The following CGAS variants were observed in gnomAD, a reference collection of about 807,000 sequenced individuals.
CGAS encodes the protein cyclic GMP-AMP synthase, also known as 2'3'-cGAMP synthase.
A neutral mutation model predicts 34.0 loss-of-function variants in CGAS; 31 were observed. The ratio of observed to expected loss-of-function variants is 0.91; its 90% CI spans 0.69 to 1.23. The LOEUF (loss-of-function observed/expected upper bound fraction) is 1.23, where lower values mean the gene tolerates loss of function less well. Ranked by LOEUF, CGAS falls within the 50% of genes most tolerant of loss-of-function variation. The pLI, the probability that CGAS is intolerant of heterozygous loss-of-function variation, is 0.00. For synonymous variants in CGAS, 266 were observed against 260.0 expected (o/e 1.02, Z -0.22); for missense variants, 597 against 657.6 (o/e 0.91, Z 1.01).
chr6:73,435,748 G>T (rs924998533), intron 3 of CGAS, among the ~76,000 whole-genome samples: 4 of 147,330 alleles, frequency 2.7e-5, no homozygotes, highest in Non-Finnish European at 5.9e-5. Context: ...AGACCAGCCT[G>T]GGCAACATAG....
At chr6:73,426,054 G>A (rs2150808217) in intron 4 of CGAS, among the ~76,000 whole-genome samples, 1 of 152,096 alleles carries the variant, frequency 6.6e-6, no homozygotes, top group East Asian at 1.9e-4. Context: ...GGAGGCCTAG[G>A]CAGGCGGATC....
intron 1 of CGAS, among the ~76,000 whole-genome samples, chr6:73,449,142 A>G (rs1413286964): frequency 6.6e-6 from 1 of 152,072 alleles, no homozygotes; most frequent in Non-Finnish European, 1.5e-5. Flanking sequence ...GATAAAACAA[A>G]TTTCACTGGA....
intron 3 of CGAS, 112 bp from the exon 4 acceptor site, chr6:73,428,923 A>C (rs1228304938): frequency 2.2e-6 from 2 of 930,190 alleles, no homozygotes; most frequent in African/African-American, 3.3e-5. Flanking sequence ...ATGGGGGCTC[A>C]CGCCTGTAAT....
rs566859350 is a variant in CGAS at position 73,451,063 on chromosome 6, G to A, written c.657+462C>T. Among the ~76,000 whole-genome samples the A allele has an allele frequency of 3.3e-5, 5 of 151,994 alleles. No individual in the cohort carries two copies. In the South Asian group the frequency reaches 1.0e-3, roughly 32 times the overall value. On this transcript the variant is annotated intron_variant, in intron 1 of 4. Transcript: ENST00000370315. ...GGGTCAGACGGGATAGCAGGAGAGG[G>A]GGCAGGGAGGAAGAGGGGGAGAGAA...
intron 3 of CGAS, among the ~76,000 whole-genome samples, 183 bp from the exon 4 acceptor site, chr6:73,428,994 C>T (rs768328136): frequency 2.6e-5 from 4 of 151,866 alleles, no homozygotes; most frequent in Non-Finnish European, 5.9e-5. Flanking sequence ...CGAGACCAGC[C>T]TGACCAACAT....
At chr6:73,441,375 G>A (rs1770377159) in intron 2 of CGAS, among the ~76,000 whole-genome samples, 1 of 152,154 alleles carries the variant, frequency 6.6e-6, no homozygotes, top group South Asian at 2.1e-4. Context: ...CAGAGGCTGG[G>A]TGCCACGGCA....
Position 73,442,538 on chromosome 6 carries a change from C to A in CGAS, c.878-2093G>T, listed in dbSNP as rs144370313. Reference sequence around the variant, plus strand: ...GCCTCAGCATCGTATGTAGCTGGGACCACAGGCACATGCCACCACTCCTGG... The same window carrying A: ...GCCTCAGCATCGTATGTAGCTGGGAACACAGGCACATGCCACCACTCCTGG... On this transcript the variant is annotated intron_variant, in intron 2 of 4. Coordinates refer to ENST00000370315, the MANE Select transcript of CGAS (RefSeq NM_138441.3). Among the ~76,000 whole-genome samples, 375 of 151,358 alleles carry A rather than the reference C, an allele frequency of 2.5e-3. 2 individuals carry two copies. The highest frequency in any genetic ancestry group is 8.7e-3 in the African/African-American group (357 of 41,266).
chr6:73,451,144 C>T (rs986219249), intron 1 of CGAS, among the ~76,000 whole-genome samples: 1 of 151,978 alleles, frequency 6.6e-6, no homozygotes. Flanking sequence ...AAAAAGTCTA[C>T]GTGGAATTTT....
chr6:73,445,542 A>G lies in CGAS; in HGVS notation c.863T>C (p.Ile288Thr). The change falls in exon 2 of 5, where the codon ATT becomes ACT. Residue 288 changes from isoleucine to threonine, a missense_variant. Physicochemically the swap from Ile to Thr is moderately conservative, Grantham distance 89. Around this residue, in one of 3 missense-constraint regions of CGAS, gnomAD observed 271 missense variants for 324.1 expected, o/e 0.84. Transcript: ENST00000370315. ...AAAAGTCTTACCTTTAATGTCGTTA[A>G]TTTCTTCCTTAATGATTTTCCTAAA... Reference protein sequence around the residue: ...SKFRKIIKEEINDIKDTDVIM... With the variant: ...SKFRKIIKEETNDIKDTDVIM... The G allele has an allele frequency of 1.2e-6, 2 of 1,602,722 alleles. No individual in the cohort carries two copies. The highest frequency in any genetic ancestry group is 1.7e-6 in the Non-Finnish European group (2 of 1,176,442).
At chr6:73,438,365 C>G (rs369902206) in intron 3 of CGAS, among the ~76,000 whole-genome samples, 5 of 152,128 alleles carry the variant, frequency 3.3e-5, no homozygotes, top group African/African-American at 4.8e-5. Flanking sequence ...CCAGCACCAG[C>G]CTTCACTTTC....
At chr6:73,445,455 T>G (rs1204735198) in intron 2 of CGAS, 73 bp downstream of exon 2, 160 of 1,067,882 alleles carry the variant, frequency 1.5e-4, no homozygotes, top group East Asian at 3.5e-4. Context: ...TCAAGAAACA[T>G]GAGAATGGGA....
In CGAS at chr6:73,444,013, G is replaced by A. The variant is rs749010358; in HGVS notation, c.877+1515C>T. Among the ~76,000 whole-genome samples the A allele has an allele frequency of 6.6e-5, 10 of 152,226 alleles. No individual in the cohort carries two copies. In the East Asian group the frequency reaches 1.4e-3, roughly 21 times the overall value. ...TTAGATTTCATTTTATTTTTGAGAC[G>A]GAGTCTTGCTCTGTCGCCCAGGCTG... On this transcript the variant is annotated intron_variant, in intron 2 of 4. Transcript: ENST00000370315.
intron 3 of CGAS, among the ~76,000 whole-genome samples, chr6:73,431,532 C>T (rs150333384): frequency 0.018 from 2,725 of 152,118 alleles, 46 homozygotes; most frequent in Admixed American, 0.033. Flanking sequence ...ACATGCTAAA[C>T]GACACTTCTA....
Position 73,425,342 on chromosome 6 carries a change from A to G in CGAS, c.1454T>C (p.Ile485Thr). 6.2e-7 allele frequency: 1 copy of G among 1,611,354 alleles called. No individual in the cohort carries two copies. The highest frequency in any genetic ancestry group is 8.5e-7 in the Non-Finnish European group (1 of 1,179,424). Residue 485 changes from isoleucine (I) to threonine (T), a missense_variant, in exon 5 of 5, where the codon ATT (isoleucine) becomes ACT (threonine). Ile to Thr is a moderately conservative substitution (Grantham distance 89). This residue lies in a region of CGAS where 271 missense variants were observed against 324.1 expected (regional missense o/e 0.84). Transcript: ENST00000370315. Reference sequence around the variant, plus strand: ...GCTAGAGAATAGATTGAATTCAGGAATAAAATAATTCTCAAGTTTTTCTGT... The same window carrying G: ...GCTAGAGAATAGATTGAATTCAGGAGTAAAATAATTCTCAAGTTTTTCTGT... Reference protein sequence around the residue: ...LRTEKLENYFIPEFNLFSSNL... With the variant: ...LRTEKLENYFTPEFNLFSSNL...
chr6:73,439,133 T>C (rs1770330868), intron 3 of CGAS, among the ~76,000 whole-genome samples: 1 of 152,154 alleles, frequency 6.6e-6, no homozygotes, highest in Non-Finnish European at 1.5e-5. Flanking sequence ...ATTTGTTTTA[T>C]GGTCTCCTTC....
chr6:73,432,967 C>A (rs577469339), intron 3 of CGAS, among the ~76,000 whole-genome samples: 1 of 151,974 alleles, frequency 6.6e-6, no homozygotes, highest in African/African-American at 2.4e-5. Flanking sequence ...ACCTGTAATC[C>A]CAGCTACTCA....
intron 4 of CGAS, 63 bp from the exon 5 acceptor site, chr6:73,425,641 C>A: frequency 9.6e-7 from 1 of 1,041,184 alleles, no homozygotes; most frequent in Non-Finnish European, 1.4e-6. Flanking sequence ...GGATTTTAGG[C>A]ATCTCATAGC....
chr6:73,430,513 T>C (rs1030825928), intron 3 of CGAS, among the ~76,000 whole-genome samples: 1 of 152,024 alleles, frequency 6.6e-6, no homozygotes, highest in Non-Finnish European at 1.5e-5. Context: ...TGTATGTATT[T>C]GTATATAGTC....
rs571371406 is a variant in CGAS, at chr6:73,436,280, C to T, written c.1114+3929G>A. On this transcript the variant is annotated intron_variant, in intron 3 of 4. Coordinates refer to ENST00000370315, the MANE Select transcript of CGAS (RefSeq NM_138441.3). ...TTGGTACAATAAACCAATATTGATA[C>T]ATTATTGTTAACTAAAGTCTATACT... is the stretch of plus-strand genomic sequence containing the variant. Among the ~76,000 whole-genome samples, 230 of 151,712 alleles carry T rather than the reference C, an allele frequency of 1.5e-3. 1 individual carries two copies. Among genetic ancestry groups the T allele is most frequent in the Non-Finnish European group, 2.8e-3 (189 of 67,926 alleles).
Sources: gnomAD v4.1 joint callset for allele counts (sites outside exome capture counted in the v4.1 genomes callset) on GRCh38, gnomAD v4.1.1 for gene constraint, gnomAD v4.1.1 regional missense constraint, MANE v1.5 for transcripts, NCBI Gene and HGNC (gene_info 2026-07-23, HGNC 2026-07-21) for gene names.